RBM26: variants seen among roughly 807,000 people sequenced by gnomAD.
RBM26 encodes RNA binding motif protein 26, also known as RNA-binding protein 26.
Under a neutral mutation model 123.6 loss-of-function variants are expected in RBM26, and 30 were observed. That is an observed-to-expected ratio of 0.24 (90% CI 0.18 to 0.33). RBM26 has a LOEUF of 0.33. RBM26 is among the 10% of genes least tolerant of loss of function. The pLI, the probability that RBM26 is intolerant of heterozygous loss-of-function variation, is 1.00. For missense variants in RBM26, 947 were observed against 1,203.6 expected (o/e 0.79, Z 3.15); for synonymous variants, 400 against 404.4 (o/e 0.99, Z 0.13).
intron 6 of RBM26, among the ~76,000 whole-genome samples, chr13:79,368,241 T>C (rs2075540633): frequency 6.6e-6 from 1 of 152,202 alleles, no homozygotes; most frequent in Admixed American, 6.5e-5. Flanking sequence ...TTAGCCAGGA[T>C]GGTCTAGATC....
intron 1 of RBM26, among the ~76,000 whole-genome samples, chr13:79,403,742 C>T (rs1404862520): frequency 6.6e-6 from 1 of 152,138 alleles, no homozygotes; most frequent in African/African-American, 2.4e-5. Flanking sequence ...CAGAGTTCTC[C>T]TCACCGCTAT....
intron 20 of RBM26, among the ~76,000 whole-genome samples, chr13:79,330,341 C>T (rs1316874328): frequency 5.3e-5 from 8 of 152,144 alleles, no homozygotes; most frequent in Admixed American, 1.3e-4. Flanking sequence ...CCACATCTTA[C>T]GTGGAAAATG....
In RBM26 at chr13:79,319,375, A is replaced by G. The variant is rs976790098; in HGVS notation, c.*1246T>C. 1 of 984,296 alleles carries G rather than the reference A, an allele frequency of 1.0e-6. No homozygotes were observed. Among genetic ancestry groups the G allele is most frequent in the African/African-American group, 1.7e-5 (1 of 57,158 alleles). The allele number at this position is 984,296 out of a possible 1,614,324, so 61.0% of individuals were successfully genotyped here. On this transcript the variant is annotated 3_prime_UTR_variant, in exon 22 of 22. Coordinates refer to ENST00000438737, the MANE Select transcript of RBM26 (RefSeq NM_001366735.2). ...AATCTCCCACCCCCATTCTACAAAG[A>G]ATGCATTTATTTCCTGGAAACTGCC...
chr13:79,359,458 G>C lies in RBM26; in HGVS notation c.1529+117C>G, dbSNP rs74100216. The C allele has an allele frequency of 2.3e-3, 1,213 of 516,268 alleles. 9 individuals are homozygous for C. The highest frequency in any genetic ancestry group is 0.023 in the African/African-American group (1,123 of 48,892). The allele number at this position is 516,268 out of a possible 1,614,324, so 32.0% of individuals were successfully genotyped here. A position where few individuals can be genotyped will look rare whatever the true frequency, so the allele number is the denominator to read the frequency against. ...TTTAGAAAACTCACACTTGGGGATTGCTTACAGAACAGAGTAACATTTTTG... is the reference window on the plus strand; with the variant it reads ...TTTAGAAAACTCACACTTGGGGATTCCTTACAGAACAGAGTAACATTTTTG... On this transcript the variant is annotated intron_variant, in intron 10 of 21. Transcript: ENST00000438737.
chr13:79,352,623 C>T (rs543745781), intron 14 of RBM26, among the ~76,000 whole-genome samples: 17 of 152,196 alleles, frequency 1.1e-4, no homozygotes, highest in African/African-American at 4.1e-4. Flanking sequence ...GAAAAACTTA[C>T]ATTTACATCA....
At chr13:79,327,655 A>G (rs1404124941) in intron 20 of RBM26, among the ~76,000 whole-genome samples, 1 of 152,200 alleles carries the variant, frequency 6.6e-6, no homozygotes, top group East Asian at 1.9e-4. Flanking sequence ...GTCTTCCTAC[A>G]TATGAAGAAC....
intron 19 of RBM26, among the ~76,000 whole-genome samples, chr13:79,334,681 T>C (rs974871210): frequency 2.0e-5 from 3 of 152,144 alleles, no homozygotes; most frequent in African/African-American, 7.2e-5. Flanking sequence ...AATTGAACTA[T>C]GCTTTAAATG....
At chr13:79,360,895 C>T (rs140222382) in intron 9 of RBM26, among the ~76,000 whole-genome samples, 22 of 152,178 alleles carry the variant, frequency 1.4e-4, no homozygotes, top group Admixed American at 1.4e-3. Flanking sequence ...AACTTAAAAA[C>T]TCCTTTTTTA....
intron 1 of RBM26, among the ~76,000 whole-genome samples, chr13:79,385,634 A>G (rs984501293): frequency 1.3e-5 from 2 of 152,232 alleles, no homozygotes; most frequent in African/African-American, 4.8e-5. Context: ...TAAAAGAGTT[A>G]TATCAATATT....
chr13:79,344,536 G>A (rs1045865007), intron 15 of RBM26, 133 bp downstream of exon 15: 2 of 894,922 alleles, frequency 2.2e-6, no homozygotes, highest in Admixed American at 5.6e-5. Context: ...GCTATACTAT[G>A]GAAAATAAAC....
intron 14 of RBM26, among the ~76,000 whole-genome samples, chr13:79,352,934 A>C (rs530767843): frequency 6.6e-6 from 1 of 152,310 alleles, no homozygotes; most frequent in Admixed American, 6.5e-5. Flanking sequence ...GGAATGGAGT[A>C]CATGGAAATA....
chr13:79,336,118 C>A (rs371154383), intron 19 of RBM26, among the ~76,000 whole-genome samples: 11 of 152,236 alleles, frequency 7.2e-5, no homozygotes, highest in East Asian at 5.8e-4. Context: ...TTTTTAAACA[C>A]CTAAGTCTGA....
chr13:79,382,655 G>A (rs539634337), intron 1 of RBM26, among the ~76,000 whole-genome samples: 28 of 152,050 alleles, frequency 1.8e-4, no homozygotes, highest in Non-Finnish European at 3.5e-4. Context: ...AATAGAAGGT[G>A]AAAACTTAAG....
At chr13:79,373,160 T>TATTC (rs1371054883) in intron 3 of RBM26, among the ~76,000 whole-genome samples, 1 of 111,096 alleles carries the variant, frequency 9.0e-6, no homozygotes, top group Non-Finnish European at 1.7e-5. Context: ...TTTTATGTAT[T>TATTC]ATATATTTAT....
chr13:79,373,652 TTATA>T (rs1439517498), intron 3 of RBM26, among the ~76,000 whole-genome samples: 1 of 30,078 alleles, frequency 3.3e-5, no homozygotes, highest in East Asian at 4.1e-4. Flanking sequence ...TATAGTCTAT[TTATA>T]TATTTATATA....
chr13:79,374,056 TTG>T (rs1453748639), intron 3 of RBM26, among the ~76,000 whole-genome samples: 2 of 152,022 alleles, frequency 1.3e-5, no homozygotes, highest in Non-Finnish European at 2.9e-5. Flanking sequence ...GCTCAAGATT[TTG>T]TGTTACTGAG....
intron 1 of RBM26, among the ~76,000 whole-genome samples, chr13:79,379,623 A>T (rs2076920691): frequency 6.6e-6 from 1 of 151,972 alleles, no homozygotes. Flanking sequence ...AGAGGAAAAC[A>T]CAATTTATTT....
At chr13:79,363,701 T>C (rs756322780) in intron 9 of RBM26, among the ~76,000 whole-genome samples, 1 of 152,124 alleles carries the variant, frequency 6.6e-6, no homozygotes, top group African/African-American at 2.4e-5. Flanking sequence ...TTACCACACA[T>C]CCAACTTGTA....
At chr13:79,332,916 T>C (rs1476888437) in intron 20 of RBM26, among the ~76,000 whole-genome samples, 1 of 152,186 alleles carries the variant, frequency 6.6e-6, no homozygotes, top group Non-Finnish European at 1.5e-5. Flanking sequence ...AGGGAAGTAG[T>C]ACATATTTAA....
Sources: gnomAD v4.1 joint callset for allele counts (sites outside exome capture counted in the v4.1 genomes callset) on GRCh38, gnomAD v4.1.1 for gene constraint, MANE v1.5 for transcripts, NCBI Gene and HGNC (gene_info 2026-07-23, HGNC 2026-07-21) for gene names.